SCML4: variants seen among roughly 807,000 people sequenced by gnomAD.
SCML4 encodes sex comb on midleg-like protein 4.
In SCML4, 34 loss-of-function variants were observed where a neutral mutation model predicts 41.1. The observed-to-expected ratio is 0.83, with a 90% CI of 0.63 to 1.10. SCML4 has a LOEUF of 1.10. Among genes scored for constraint, SCML4 ranks in the 50% least tolerant of loss-of-function variants. SCML4 has a pLI of 0.00. For missense variants in SCML4, 522 were observed against 534.1 expected (o/e 0.98, Z 0.22); for synonymous variants, 214 against 220.9 (o/e 0.97, Z 0.28).
chr6:107,719,044 C>T (rs544194546), intron 6 of SCML4: 1 of 152,286 alleles, frequency 6.6e-6, no homozygotes, highest in South Asian at 2.1e-4. Context: ...TCAAGGCTGC[C>T]CCTGGTTTAC....
At chr6:107,757,085 T>G (rs186225532) in intron 2 of SCML4, among the ~76,000 whole-genome samples, 73 of 152,310 alleles carry the variant, frequency 4.8e-4, no homozygotes, top group African/African-American at 1.7e-3. Flanking sequence ...TAGGGCAAAG[T>G]GTCCCTACCA....
At chr6:107,724,323 G>A (rs993094613) in intron 5 of SCML4, among the ~76,000 whole-genome samples, 1 of 152,110 alleles carries the variant, frequency 6.6e-6, no homozygotes, top group Non-Finnish European at 1.5e-5. Context: ...TTAGGTTAAG[G>A]AAAAGAAAAG....
chr6:107,834,315 C>G, the SCML4 span, among the ~76,000 whole-genome samples: 1 of 152,152 alleles, frequency 6.6e-6, no homozygotes, highest in Non-Finnish European at 1.5e-5. Flanking sequence ...TTACTCTGAT[C>G]TCAAGGACAT....
intron 1 of SCML4, among the ~76,000 whole-genome samples, chr6:107,813,270 G>A (rs1784293196): frequency 6.7e-6 from 1 of 150,308 alleles, no homozygotes; most frequent in Non-Finnish European, 1.5e-5. Context: ...AGCTGAGGTG[G>A]GAGGATGGCT....
intron 1 of SCML4, among the ~76,000 whole-genome samples, chr6:107,798,260 T>C (rs1172630708): frequency 5.9e-5 from 9 of 151,984 alleles, no homozygotes; most frequent in Admixed American, 5.9e-4. Flanking sequence ...TCTGAAAGTC[T>C]TTTTATGGAA....
chr6:107,756,358 C>A (rs79707644), intron 2 of SCML4, among the ~76,000 whole-genome samples: 1,621 of 152,236 alleles, frequency 0.011, 27 homozygotes, highest in East Asian at 0.032. Context: ...ATCTTCTTCC[C>A]CAAGCCCCCT....
At chr6:107,831,925 T>C in the SCML4 span, among the ~76,000 whole-genome samples, 2 of 151,860 alleles carry the variant, frequency 1.3e-5, no homozygotes, top group African/African-American at 4.8e-5. Flanking sequence ...TAGCTGGGCA[T>C]GGTGGCGCAT....
intron 2 of SCML4, among the ~76,000 whole-genome samples, chr6:107,756,168 G>A (rs1024487078): frequency 4.6e-5 from 7 of 152,134 alleles, no homozygotes; most frequent in African/African-American, 1.7e-4. Context: ...CGGATGGGCT[G>A]TGCACAGTGA....
chr6:107,767,612 G>A (rs534829842), intron 2 of SCML4, among the ~76,000 whole-genome samples: 15 of 152,156 alleles, frequency 9.9e-5, no homozygotes, highest in Non-Finnish European at 1.6e-4. Context: ...TTCAGCAAGC[G>A]AATTTTCCAG....
At chr6:107,790,818 C>G (rs1173799194) in intron 1 of SCML4, among the ~76,000 whole-genome samples, 1 of 152,140 alleles carries the variant, frequency 6.6e-6, no homozygotes, top group Non-Finnish European at 1.5e-5. Context: ...GTCTGTAATC[C>G]CAGCACTTTG....
At chr6:107,738,451 G>A (rs1265136117) in intron 5 of SCML4, among the ~76,000 whole-genome samples, 1 of 151,504 alleles carries the variant, frequency 6.6e-6, no homozygotes, top group Non-Finnish European at 1.5e-5. Context: ...TCAAAATCCC[G>A]TCTCTATAAA....
upstream of SCML4, among the ~76,000 whole-genome samples, chr6:107,825,764 C>G (rs975659832): frequency 1.9e-4 from 28 of 150,862 alleles, no homozygotes; most frequent in Admixed American, 3.3e-4. Flanking sequence ...GGTGAAACCC[C>G]GTCTCTACTA....
chr6:107,719,791 A>C (rs1775188433), intron 6 of SCML4: 1 of 605,072 alleles, frequency 1.7e-6, no homozygotes, highest in South Asian at 7.2e-5. Flanking sequence ...AAGACTTGCA[A>C]AAGGTAGGCA....
rs555039243 is a variant in SCML4 at position 107,703,281 on chromosome 6, G to T, written c.*1919C>A. Among the ~76,000 whole-genome samples the T allele has an allele frequency of 6.6e-6, 1 of 152,160 alleles. No homozygotes were observed. Among genetic ancestry groups the T allele is most frequent in the African/African-American group, 2.4e-5 (1 of 41,502 alleles). On this transcript the variant is annotated 3_prime_UTR_variant, in exon 8 of 8. Transcript: ENST00000369020. ...TCACCCTGAATTCTTTCTTGCATGA[G>T]ATCCAAGAGCCCTCTCTTGGGGTCT...
chr6:107,845,386 G>T, the SCML4 span, among the ~76,000 whole-genome samples: 1 of 152,214 alleles, frequency 6.6e-6, no homozygotes, highest in South Asian at 2.1e-4. Flanking sequence ...GCCTAGAGAC[G>T]CTCCGGGGCC....
chr6:107,785,391 G>A lies in SCML4; in HGVS notation c.-59-13005C>T, dbSNP rs766717355. Among the ~76,000 whole-genome samples the A allele has an allele frequency of 2.6e-5, 4 of 152,194 alleles. No individual in the cohort carries two copies. In the East Asian group the frequency reaches 5.8e-4, roughly 22 times the overall value. On this transcript the variant is annotated intron_variant, in intron 1 of 7. Coordinates refer to ENST00000369020, the MANE Select transcript of SCML4 (RefSeq NM_198081.5). ...TGAGGAGCTGATCTCAGGCTGCAGC[G>A]AATCAGTTTCGTAGCCTGCAGCTGT...
At chr6:107,833,605 G>A in the SCML4 span, among the ~76,000 whole-genome samples, 1 of 152,126 alleles carries the variant, frequency 6.6e-6, no homozygotes, top group African/African-American at 2.4e-5. Flanking sequence ...GACCCCTTTG[G>A]ACTAAGTATG....
At chr6:107,750,662 T>C (rs78540502) in intron 2 of SCML4, among the ~76,000 whole-genome samples, 5,459 of 152,288 alleles carry the variant, frequency 0.036, 321 homozygotes, top group African/African-American at 0.12. Flanking sequence ...TTTTTAAAGA[T>C]ACTGAGATTC....
intron 1 of SCML4, among the ~76,000 whole-genome samples, chr6:107,804,253 G>GTGTGTGTGTGTA (rs1426260899): frequency 6.6e-6 from 1 of 151,856 alleles, no homozygotes; most frequent in East Asian, 1.9e-4. Context: ...TGAAACGTGT[G>GTGTGTGTGTGTA]TGTGTGTGCA....
Sources: allele counts gnomAD v4.1 joint callset (sites outside exome capture counted in the v4.1 genomes callset), GRCh38; gene constraint gnomAD v4.1.1; transcripts MANE v1.5; gene names NCBI Gene and HGNC (gene_info 2026-07-23, HGNC 2026-07-21).